Variants in ATAD1 observed in about 807,000 individuals in gnomAD.
The protein encoded by ATAD1 is outer mitochondrial transmembrane helix translocase.
Under a neutral mutation model 42.7 loss-of-function variants are expected in ATAD1, and 18 were observed. That is an observed-to-expected ratio of 0.42 (90% CI 0.29 to 0.63). ATAD1 has a LOEUF of 0.63. Ranked by LOEUF, ATAD1 falls within the 20% of genes least tolerant of loss-of-function variation. ATAD1 has a pLI of 0.19. For synonymous variants in ATAD1, 132 were observed against 143.1 expected, an observed-to-expected ratio of 0.92 and a Z score of 0.55; for missense variants, 294 against 440.4, an observed-to-expected ratio of 0.67 and a Z score of 2.98.
In ATAD1 at chr10:87,808,333, C is replaced by CA. The variant is rs11289738; in HGVS notation, c.162+6104dup. 4.3e-4 allele frequency among the ~76,000 whole-genome samples: 60 copies of CA among 138,512 alleles called. No homozygotes were observed. The South Asian group carries it at 5.2e-3, about 12-fold the overall frequency. 90.9% of individuals were successfully genotyped at this position (138,512 alleles called of 152,430 possible). A position where few individuals can be genotyped will look rare whatever the true frequency, so the allele number is the denominator to read the frequency against. ...GTAAACAAAGTAAACAAAGAAAAGC[C>CA]AAAAAAAAAAAAAAAGTAATGAAAA... is the stretch of plus-strand genomic sequence containing the variant. On this transcript the variant is annotated intron_variant, in intron 2 of 9. Coordinates refer to ENST00000680024, the MANE Select transcript of ATAD1 (RefSeq NM_001321967.2).
At chr10:87,811,491 T>G (rs1857182238) in intron 2 of ATAD1, among the ~76,000 whole-genome samples, 1 of 152,194 alleles carries the variant, frequency 6.6e-6, no homozygotes, top group African/African-American at 2.4e-5. Flanking sequence ...AAAGGAAATG[T>G]ATCAAGGCTT....
intron 2 of ATAD1, among the ~76,000 whole-genome samples, chr10:87,795,734 T>C (rs1189443027): frequency 2.0e-5 from 3 of 152,220 alleles, no homozygotes; most frequent in African/African-American, 7.2e-5. Context: ...CTAATATTTT[T>C]GCCTGGAGTA....
At position 87,754,718 on chromosome 10, in the gene ATAD1, T is replaced by C. The variant is rs1564735515; in HGVS notation, c.1055A>G (p.Gln352Arg). The part of the protein sequence containing the change: ...KMKKSKDAAF[Q>R]NVLTHVCLD The stretch of plus-strand genomic sequence containing the variant: ...TAAACAAACATGTGTTAAAACATTC[T>C]GAAATGCTGCATCCTTTGATTTCTT... The change falls in exon 10 of 10, where the codon CAG (glutamine) becomes CGG (arginine). Residue 352 changes from glutamine (Q) to arginine (R), a missense_variant. This residue lies in a region of ATAD1 where 142 missense variants were observed against 174.6 expected (regional missense o/e 0.81). Coordinates refer to ENST00000680024, the MANE Select transcript of ATAD1 (RefSeq NM_001321967.2). The C allele has an allele frequency of 1.2e-6, 2 of 1,613,712 alleles. No homozygotes were observed. The highest frequency in any genetic ancestry group is 2.2e-5 in the East Asian group (1 of 44,836).
chr10:87,820,592 G>C (rs1414484245), upstream of ATAD1, among the ~76,000 whole-genome samples: 2 of 152,076 alleles, frequency 1.3e-5, no homozygotes, highest in East Asian at 1.9e-4. Flanking sequence ...AATATTTGAG[G>C]GATGATTGCA....
At chr10:87,832,970 T>A (rs1351157669) in intron 1 of ATAD1, 1 of 152,124 alleles carries the variant, frequency 6.6e-6, no homozygotes, top group African/African-American at 2.4e-5. Flanking sequence ...ACCCCACCCC[T>A]AGGAGGTCAC....
intron 3 of ATAD1, among the ~76,000 whole-genome samples, chr10:87,792,259 G>C (rs983138596): frequency 3.9e-5 from 6 of 152,168 alleles, no homozygotes; most frequent in African/African-American, 1.4e-4. Flanking sequence ...TTCCTTCTGG[G>C]AGTCTAGAAT....
At chr10:87,839,920 C>T (rs1858000076) in intron 1 of ATAD1, among the ~76,000 whole-genome samples, 1 of 152,226 alleles carries the variant, frequency 6.6e-6, no homozygotes, top group Non-Finnish European at 1.5e-5. Context: ...TTCCACCTTT[C>T]CATATTGTCC....
chr10:87,761,446 G>A (rs1451929684), intron 8 of ATAD1, among the ~76,000 whole-genome samples: 1 of 152,088 alleles, frequency 6.6e-6, no homozygotes, highest in Non-Finnish European at 1.5e-5. Flanking sequence ...TGGATCTCTT[G>A]AGCTCAGGAG....
intron 5 of ATAD1, among the ~76,000 whole-genome samples, chr10:87,782,440 T>C (rs971496284): frequency 1.2e-4 from 19 of 152,030 alleles, no homozygotes; most frequent in African/African-American, 4.4e-4. Flanking sequence ...AAACAAGCAA[T>C]GCCAGTATAA....
rs1157119783 is a variant in ATAD1 at position 87,754,786 on chromosome 10, C to A, written c.987G>T (p.Arg329=). The change falls in exon 10 of 10, where the codon CGG becomes CGT. Residue 329 remains arginine, a synonymous_variant. Coordinates refer to ENST00000680024, the MANE Select transcript of ATAD1 (RefSeq NM_001321967.2). ...GATGCAGGTCCTGCTGTTGAACAGG[C>A]CGAATTTCATCTTCGTCATGGCTAA... ...SEESHDEDEI[R]PVQQQDLHRA... is the part of the protein sequence containing the mutation. 13 of 1,612,978 alleles carry A rather than the reference C, an allele frequency of 8.1e-6. No individual in the cohort carries two copies. In the Admixed American group the frequency reaches 1.2e-4, roughly 14 times the overall value.
At chr10:87,811,089 T>C (rs544604480) in intron 2 of ATAD1, among the ~76,000 whole-genome samples, 2 of 152,252 alleles carry the variant, frequency 1.3e-5, no homozygotes, top group East Asian at 3.9e-4. Context: ...TCTCAGCACT[T>C]TGGGAGGCCA....
At position 87,804,558 on chromosome 10, in the gene ATAD1, C is replaced by T. The variant is rs567047345; in HGVS notation, c.162+9880G>A. Among the ~76,000 whole-genome samples the T allele has an allele frequency of 3.7e-4, 57 of 152,058 alleles. No homozygotes were observed. The Middle Eastern group carries it at 0.01, about 27-fold the overall frequency. ...CTAATTTTTGTATTTTTAGTAGAGACGGGGTTTTGCCATGTTGACCAGGCT... is the reference window on the plus strand; with the variant it reads ...CTAATTTTTGTATTTTTAGTAGAGATGGGGTTTTGCCATGTTGACCAGGCT... On this transcript the variant is annotated intron_variant, in intron 2 of 9. Coordinates refer to ENST00000680024, the MANE Select transcript of ATAD1 (RefSeq NM_001321967.2).
chr10:87,774,757 C>A (rs1328643088), intron 6 of ATAD1, among the ~76,000 whole-genome samples: 1 of 152,046 alleles, frequency 6.6e-6, no homozygotes, highest in East Asian at 1.9e-4. Context: ...TCAAGACCAG[C>A]CTGAGCAAGA....
At chr10:87,808,185 A>G (rs2132034561) in intron 2 of ATAD1, among the ~76,000 whole-genome samples, 1 of 152,300 alleles carries the variant, frequency 6.6e-6, no homozygotes, top group Admixed American at 6.5e-5. Context: ...TTCTATGTAG[A>G]TTATCATATT....
chr10:87,783,850 G>A (rs970487499), intron 5 of ATAD1, among the ~76,000 whole-genome samples: 2 of 151,302 alleles, frequency 1.3e-5, no homozygotes, highest in East Asian at 1.9e-4. Flanking sequence ...GGATAGTGAA[G>A]GTATTTGTAA....
chr10:87,817,942 G>A, intron 1 of ATAD1: 1 of 985,600 alleles, frequency 1.0e-6, no homozygotes, highest in Non-Finnish European at 1.2e-6. Flanking sequence ...GACCCTAAGG[G>A]CCCAGGCCGG....
intron 6 of ATAD1, 65 bp downstream of exon 6, chr10:87,776,256 C>A: frequency 1.6e-6 from 2 of 1,232,726 alleles, no homozygotes; most frequent in South Asian, 1.3e-5. Context: ...AGTAAGTAGC[C>A]CAGCAAATTT....
chr10:87,834,413 G>C lies in ATAD1; in HGVS notation c.-14+6774C>G, dbSNP rs192393491. ...AGAATTTGACAGTGTAACCATCTGG[G>C]CTTGGAAAATTTTTTGAGAGGTTTT... is the stretch of plus-strand genomic sequence containing the variant. On this transcript the variant is annotated intron_variant, in intron 1 of 4. Transcript: ENST00000495903. 1.2e-4 allele frequency among the ~76,000 whole-genome samples: 18 copies of C among 152,160 alleles called. No homozygotes were observed. The East Asian group carries it at 2.3e-3, about 20-fold the overall frequency.
intron 1 of ATAD1, among the ~76,000 whole-genome samples, chr10:87,831,400 A>G (rs1027106868): frequency 2.0e-5 from 3 of 152,266 alleles, no homozygotes; most frequent in Admixed American, 6.5e-5. Flanking sequence ...GTGAGGCTGC[A>G]CAGATTAAGT....
Sources: allele counts gnomAD v4.1 joint callset (sites outside exome capture counted in the v4.1 genomes callset), GRCh38; gene constraint gnomAD v4.1.1; regional missense constraint gnomAD v4.1.1; transcripts MANE v1.5; gene names NCBI Gene and HGNC (gene_info 2026-07-23, HGNC 2026-07-21).